GATAD2A: variants seen among roughly 807,000 people sequenced by gnomAD.
GATAD2A encodes GATA zinc finger domain containing 2A, also known as transcriptional repressor p66-alpha.
GATAD2A carries 12 observed loss-of-function variants against 68.5 expected under a neutral mutation model. The ratio of observed to expected loss-of-function variants is 0.18; its 90% CI spans 0.11 to 0.28. The LOEUF (loss-of-function observed/expected upper bound fraction) is 0.28. Ranked by LOEUF, GATAD2A falls within the 10% of genes least tolerant of loss-of-function variation. The pLI is 1.00. For synonymous variants in GATAD2A, 410 were observed against 375.3 expected, an observed-to-expected ratio of 1.09 and a Z score of -1.07; for missense variants, 755 against 868.5, an observed-to-expected ratio of 0.87 and a Z score of 1.64.
chr19:19,479,620 G>T (rs2058912927), intron 2 of GATAD2A, among the ~76,000 whole-genome samples: 1 of 152,206 alleles, frequency 6.6e-6, no homozygotes, highest in South Asian at 2.1e-4. Context: ...CTCACAGGCA[G>T]GTGATGGATT....
At chr19:19,439,951 TAAGG>T (rs1464769896) in intron 1 of GATAD2A, among the ~76,000 whole-genome samples, 1 of 152,102 alleles carries the variant, frequency 6.6e-6, no homozygotes, top group African/African-American at 2.4e-5. Flanking sequence ...TGGTCAGAAA[TAAGG>T]AAGGATTACA....
intron 1 of GATAD2A, among the ~76,000 whole-genome samples, chr19:19,453,643 G>A (rs1002562442): frequency 3.3e-5 from 5 of 151,098 alleles, no homozygotes; most frequent in African/African-American, 1.2e-4. Flanking sequence ...CCACAGGCGT[G>A]TACCACCACA....
At position 19,464,107 on chromosome 19, in the gene GATAD2A, G is replaced by A. The variant is rs926378625; in HGVS notation, c.-6-1233G>A. ...TACCTGGGACAGGCTTCCCCAGGGT[G>A]TTTGCCAGTGAGGAAACTAAGGCTC... On this transcript the variant is annotated intron_variant, in intron 1 of 11. Coordinates refer to ENST00000683918, the MANE Select transcript of GATAD2A (RefSeq NM_001384528.1). 2.6e-5 allele frequency among the ~76,000 whole-genome samples: 4 copies of A among 152,296 alleles called. No homozygotes were observed. The South Asian group carries it at 8.3e-4, about 32-fold the overall frequency.
At position 19,508,570 on chromosome 19, in the gene GATAD2A, A is replaced by G. The variant is rs1162253763; in HGVS notation, c.*3096A>G. On this transcript the variant is annotated 3_prime_UTR_variant, in exon 12 of 12. Coordinates refer to ENST00000683918, the MANE Select transcript of GATAD2A (RefSeq NM_001384528.1). ...CTCTATACAAATATTCTCATCACAG[A>G]AGGGATGATCCTTGCTGCTCTGCCG... is the stretch of plus-strand genomic sequence containing the variant. The G allele has an allele frequency of 6.6e-6, 1 of 152,158 alleles. No individual in the cohort carries two copies. Among genetic ancestry groups the G allele is most frequent in the Non-Finnish European group, 1.5e-5 (1 of 68,030 alleles). 9.4% of individuals were successfully genotyped at this position (152,158 alleles called of 1,614,324 possible).
At position 19,501,999 on chromosome 19, in the gene GATAD2A, C is replaced by G; in HGVS notation, c.1534C>G (p.Arg512Gly). The change falls in exon 10 of 12, where the codon CGC becomes GGC. Residue 512 changes from arginine to glycine, a missense_variant. Physicochemically the swap from Arg to Gly is moderately radical, Grantham distance 125. Transcript: ENST00000683918. ...AAAACCCCGGCGTAAGTTGGCGTTC[C>G]GCTCAGGAGAGGCCCGCGACTGGAG... ...VIKPRRKLAF[R>G]SGEARDWSNG... is the part of the protein sequence containing the mutation. 1 of 1,613,994 alleles carries G rather than the reference C, an allele frequency of 6.2e-7. No homozygotes were observed. The highest frequency in any genetic ancestry group is 8.5e-7 in the Non-Finnish European group (1 of 1,179,938).
At chr19:19,485,106 TC>T (rs2059345840) in intron 2 of GATAD2A, among the ~76,000 whole-genome samples, 1 of 152,198 alleles carries the variant, frequency 6.6e-6, no homozygotes, top group Non-Finnish European at 1.5e-5. Flanking sequence ...CTGCTGTTGG[TC>T]CCTCTGTCAG....
At chr19:19,418,021 G>A (rs1014595338) in intron 1 of GATAD2A, among the ~76,000 whole-genome samples, 1 of 152,190 alleles carries the variant, frequency 6.6e-6, no homozygotes, top group African/African-American at 2.4e-5. Context: ...GCTAAAGGGC[G>A]GGCAGGAGCG....
At chr19:19,409,178 G>A (rs2050634568) in intron 1 of GATAD2A, among the ~76,000 whole-genome samples, 1 of 152,214 alleles carries the variant, frequency 6.6e-6, no homozygotes, top group South Asian at 2.1e-4. Flanking sequence ...CTCAAAGCCT[G>A]GGCAGCTCAG....
intron 1 of GATAD2A, among the ~76,000 whole-genome samples, chr19:19,448,672 T>G (rs2056028537): frequency 6.6e-6 from 1 of 152,134 alleles, no homozygotes; most frequent in African/African-American, 2.4e-5. Flanking sequence ...ATTTTTTTTG[T>G]AGAGATGGGG....
In GATAD2A at chr19:19,465,487, G is replaced by A; in HGVS notation, c.142G>A (p.Val48Met). The A allele has an allele frequency of 6.2e-7, 1 of 1,614,040 alleles. No homozygotes were observed. Among genetic ancestry groups the A allele is most frequent in the Non-Finnish European group, 8.5e-7 (1 of 1,179,866 alleles). ...SDLNTDGDMR[V>M]TPEPGAGPTQ... ...TTTAAACACTGACGGAGACATGAGG[G>A]TGACACCTGAGCCGGGAGCAGGTCC... Residue 48 changes from valine (V) to methionine (M), a missense_variant, in exon 2 of 12, where the codon GTG (valine) becomes ATG (methionine). By Grantham distance (21) the Val-to-Met change is conservative. Coordinates refer to ENST00000683918, the MANE Select transcript of GATAD2A (RefSeq NM_001384528.1).
intron 1 of GATAD2A, among the ~76,000 whole-genome samples, chr19:19,461,397 G>A (rs2057417890): frequency 6.6e-6 from 1 of 152,162 alleles, no homozygotes. Flanking sequence ...CCAGAAGTGT[G>A]CTGGGTGCCT....
intron 1 of GATAD2A, among the ~76,000 whole-genome samples, chr19:19,417,752 T>C (rs1481169665): frequency 1.3e-5 from 2 of 152,162 alleles, no homozygotes; most frequent in Non-Finnish European, 2.9e-5. Flanking sequence ...TGAGCTAATA[T>C]GGCCTTGGAT....
intron 2 of GATAD2A, chr19:19,473,945 C>A: frequency 1.5e-6 from 1 of 687,870 alleles, no homozygotes; most frequent in African/African-American, 1.9e-5. Context: ...GACTCCGTCT[C>A]AAAAAAACAA....
At chr19:19,440,910 T>C (rs117533175) in intron 1 of GATAD2A, among the ~76,000 whole-genome samples, 217 of 150,040 alleles carry the variant, frequency 1.4e-3, no homozygotes, top group South Asian at 8.0e-3. Context: ...TCCCTTCCTT[T>C]CCTTCCTTCC....
At chr19:19,417,962 G>A (rs999598525) in intron 1 of GATAD2A, among the ~76,000 whole-genome samples, 2 of 152,164 alleles carry the variant, frequency 1.3e-5, no homozygotes, top group African/African-American at 2.4e-5. Flanking sequence ...TTAGAGCCTC[G>A]TGGGGGAAAC....
At chr19:19,403,060 A>C (rs1037935820), upstream of GATAD2A, among the ~76,000 whole-genome samples, 13 of 151,436 alleles carry the variant, frequency 8.6e-5, no homozygotes, top group East Asian at 2.5e-3. Flanking sequence ...GACGTGAGCC[A>C]CTGTGCCCTG....
At chr19:19,494,464 G>C (rs944581299) in intron 5 of GATAD2A, 81 bp downstream of exon 5, 2 of 864,448 alleles carry the variant, frequency 2.3e-6, no homozygotes, top group African/African-American at 1.7e-5. Flanking sequence ...CTCCCAAACA[G>C]CCCTGGCCCA....
At chr19:19,423,867 C>T (rs1431403452) in intron 1 of GATAD2A, among the ~76,000 whole-genome samples, 1 of 152,086 alleles carries the variant, frequency 6.6e-6, no homozygotes, top group Non-Finnish European at 1.5e-5. Context: ...CAGTTGTTCC[C>T]CAGCCACTCT....
intron 1 of GATAD2A, among the ~76,000 whole-genome samples, chr19:19,457,652 A>C (rs1406319384): frequency 6.6e-6 from 1 of 151,786 alleles, no homozygotes; most frequent in Admixed American, 6.6e-5. Context: ...GAGGCAGGAG[A>C]ATGGTGTGAA....
Sources: gnomAD v4.1 joint callset for allele counts (sites outside exome capture counted in the v4.1 genomes callset) on GRCh38, gnomAD v4.1.1 for gene constraint, MANE v1.5 for transcripts, NCBI Gene and HGNC (gene_info 2026-07-23, HGNC 2026-07-21) for gene names.